The following ECM2 variants were observed in gnomAD, a reference collection of about 807,000 sequenced individuals.
ECM2 encodes the protein extracellular matrix protein 2, also known as extracellular matrix protein 2, female organ and adipocyte specific.
In ECM2, 57 loss-of-function variants were observed where a neutral mutation model predicts 67.5. The ratio of observed to expected loss-of-function variants is 0.84; its 90% CI spans 0.68 to 1.05. The LOEUF is 1.05. ECM2 is among the 50% of genes least tolerant of loss of function. The pLI is 0.00. For synonymous variants in ECM2, 258 were observed against 294.5 expected (o/e 0.88, Z 1.27); for missense variants, 741 against 822.8 (o/e 0.90, Z 1.22).
rs781437704 is a variant in ECM2, at chr9:92,514,992, A to AG, written c.692dup (p.Glu232Ter). The AG allele has an allele frequency of 6.2e-7, 1 of 1,614,034 alleles. No individual in the cohort carries two copies. The highest frequency in any genetic ancestry group is 1.1e-5 in the South Asian group (1 of 91,074). ...AAAGTTGCCCCTGATTTCTAGATTC[A>AG]GGGGTCTCTCTCTTTTGCTCTGTAT... is the stretch of plus-strand genomic sequence containing the variant. On this transcript the variant is annotated frameshift_variant, in exon 4 of 10. Coordinates refer to ENST00000344604, the MANE Select transcript of ECM2 (RefSeq NM_001393.4). LOFTEE classifies it high-confidence loss of function.
the ECM2 span, among the ~76,000 whole-genome samples, chr9:92,542,211 G>A: frequency 2.0e-5 from 3 of 152,304 alleles, no homozygotes; most frequent in Admixed American, 2.0e-4. Flanking sequence ...AAAGGGAGAT[G>A]TATTCTCAAG....
chr9:92,502,396 G>A lies in ECM2; in HGVS notation c.1604+117C>T, dbSNP rs1280301115. The A allele has an allele frequency of 6.0e-5, 76 of 1,276,694 alleles. No individual in the cohort carries two copies. In the South Asian group the frequency reaches 7.6e-4, roughly 13 times the overall value. The allele number at this position is 1,276,694 out of a possible 1,614,324, so 79.1% of individuals were successfully genotyped here. A position where few individuals can be genotyped will look rare whatever the true frequency, so the allele number is the denominator to read the frequency against. ...TTCACTAAGAAACGATTCTGTCTCC[G>A]AGCCCTTCAGTATCGTCACCTCCCT... is the stretch of plus-strand genomic sequence containing the variant. On this transcript the variant is annotated intron_variant, in intron 8 of 9. Transcript: ENST00000344604.
the ECM2 span, among the ~76,000 whole-genome samples, chr9:92,545,844 C>A: frequency 6.6e-6 from 1 of 152,186 alleles, no homozygotes; most frequent in Non-Finnish European, 1.5e-5. Flanking sequence ...GTGTCTAGCT[C>A]AAGGTTTGGT....
At chr9:92,527,380 T>C (rs369191005) in intron 1 of ECM2, among the ~76,000 whole-genome samples, 18 of 152,340 alleles carry the variant, frequency 1.2e-4, no homozygotes, top group African/African-American at 4.1e-4. Context: ...AGTCATGGGC[T>C]GTACAGGTTT....
At chr9:92,510,792 T>C (rs1418018437) in intron 5 of ECM2, among the ~76,000 whole-genome samples, 2 of 152,198 alleles carry the variant, frequency 1.3e-5, no homozygotes, top group Non-Finnish European at 2.9e-5. Flanking sequence ...CTTACAAATT[T>C]TTCTCTTGGA....
At chr9:92,540,951 G>A (rs567190880), upstream of ECM2, among the ~76,000 whole-genome samples, 11 of 151,804 alleles carry the variant, frequency 7.2e-5, no homozygotes, top group South Asian at 2.1e-3. Flanking sequence ...CCAAAAGTTG[G>A]GGATTTTTTC....
intron 1 of ECM2, among the ~76,000 whole-genome samples, chr9:92,534,914 G>A (rs1386150099): frequency 6.6e-6 from 1 of 152,118 alleles, no homozygotes; most frequent in Non-Finnish European, 1.5e-5. Flanking sequence ...TAGACCTCGA[G>A]GCTCTAGAGT....
chr9:92,549,090 G>A, the ECM2 span, among the ~76,000 whole-genome samples: 1 of 152,152 alleles, frequency 6.6e-6, no homozygotes, highest in East Asian at 1.9e-4. Context: ...CTCATCACAT[G>A]TAGCTACTTG....
At chr9:92,533,318 AAAAAAAAAAAATATATATAT>A (rs1439829013) in intron 1 of ECM2, among the ~76,000 whole-genome samples, 7 of 94,838 alleles carry the variant, frequency 7.4e-5, no homozygotes, top group Admixed American at 3.5e-4. Context: ...AAAAAAAAAA[AAAAAAAAAAAATATATATAT>A]ATATATATAT....
At chr9:92,493,573 A>T (rs929850001), downstream of ECM2, 2 of 152,228 alleles carry the variant, frequency 1.3e-5, no homozygotes, top group Non-Finnish European at 2.9e-5. Flanking sequence ...CTAGACCAGG[A>T]CTTCTTTAGT....
At chr9:92,549,251 T>A in the ECM2 span, among the ~76,000 whole-genome samples, 2 of 152,132 alleles carry the variant, frequency 1.3e-5, no homozygotes, top group Non-Finnish European at 2.9e-5. Flanking sequence ...AGCAGGCCGA[T>A]TTGGACTTAA....
At chr9:92,501,205 G>T in intron 8 of ECM2, 152 bp from the exon 9 acceptor site, 1 of 761,616 alleles carries the variant, frequency 1.3e-6, no homozygotes, top group Middle Eastern at 3.0e-4. Context: ...TCCAGGTATA[G>T]CCAGCCCTAG....
At chr9:92,505,007 G>A (rs962214954) in intron 7 of ECM2, among the ~76,000 whole-genome samples, 10 of 152,228 alleles carry the variant, frequency 6.6e-5, no homozygotes, top group Non-Finnish European at 1.3e-4. Context: ...TCACAGGACA[G>A]TTTTGGTAGG....
chr9:92,533,158 G>T (rs1315793815), intron 1 of ECM2, among the ~76,000 whole-genome samples: 1 of 150,458 alleles, frequency 6.6e-6, no homozygotes, highest in Non-Finnish European at 1.5e-5. Context: ...AAATTAGCTG[G>T]GTGTGGTGGC....
At chr9:92,536,186 A>G, upstream of ECM2, 1 of 372,506 alleles carries the variant, frequency 2.7e-6, no homozygotes, top group Non-Finnish European at 5.1e-6. Context: ...TTTTTTAATC[A>G]TAAGAAAAGT....
At chr9:92,533,328 A>AAAAAAAT (rs1554683138) in intron 1 of ECM2, among the ~76,000 whole-genome samples, 3 of 38,340 alleles carry the variant, frequency 7.8e-5, no homozygotes, top group Admixed American at 3.4e-4. Context: ...AAAAAAAAAA[A>AAAAAAAT]ATATATATAT....
At chr9:92,528,245 A>T (rs1178700365) in intron 1 of ECM2, among the ~76,000 whole-genome samples, 1 of 152,182 alleles carries the variant, frequency 6.6e-6, no homozygotes, top group Non-Finnish European at 1.5e-5. Flanking sequence ...CTGAAAGGGG[A>T]TGCAAATCAA....
Position 92,530,910 on chromosome 9 carries a change from C to T in ECM2, c.-28+5023G>A, listed in dbSNP as rs537472709. On this transcript the variant is annotated intron_variant, in intron 1 of 9. Transcript: ENST00000344604. ...ATGCCCATGAGTACCCAATGTTTAG[C>T]TCTTACTTATAAGGGAGAACATGTG... is the stretch of plus-strand genomic sequence containing the variant. 6.6e-5 allele frequency among the ~76,000 whole-genome samples: 10 copies of T among 152,272 alleles called. No individual in the cohort carries two copies. In the South Asian group the frequency reaches 1.9e-3, roughly 28 times the overall value.
chr9:92,552,090 A>ATGATAGATCTATCATATATGTGT, the ECM2 span, among the ~76,000 whole-genome samples: 2 of 127,166 alleles, frequency 1.6e-5, no homozygotes, highest in East Asian at 2.2e-4. Flanking sequence ...CATATATGTG[A>ATGATAGATCTATCATATATGTGT]TATGATAGAT....
Sources: gnomAD v4.1 joint callset for allele counts (sites outside exome capture counted in the v4.1 genomes callset) on GRCh38, gnomAD v4.1.1 for gene constraint, MANE v1.5 for transcripts, NCBI Gene and HGNC (gene_info 2026-07-23, HGNC 2026-07-21) for gene names.